The following SHMT1 variants were observed in gnomAD, a reference collection of about 807,000 sequenced individuals.
SHMT1 encodes serine hydroxymethyltransferase 1.
A neutral mutation model predicts 49.0 loss-of-function variants in SHMT1; 45 were observed. The ratio of observed to expected loss-of-function variants is 0.92; its 90% CI spans 0.72 to 1.18. SHMT1 has a LOEUF of 1.18. SHMT1 is among the 50% of genes most tolerant of loss of function. The pLI is 0.00. For missense variants in SHMT1, 541 were observed against 612.4 expected, an observed-to-expected ratio of 0.88 and a Z score of 1.23; for synonymous variants, 232 against 246.6, an observed-to-expected ratio of 0.94 and a Z score of 0.55.
At chr17:18,352,437 C>T (rs1033512730) in intron 3 of SHMT1, among the ~76,000 whole-genome samples, 5 of 152,168 alleles carry the variant, frequency 3.3e-5, no homozygotes, top group African/African-American at 4.8e-5. Context: ...TGAGCCACCG[C>T]GCCCGGTCCC....
intron 5 of SHMT1, among the ~76,000 whole-genome samples, chr17:18,344,564 GCCACAA>G (rs1984875790): frequency 1.1e-5 from 1 of 87,398 alleles, no homozygotes; most frequent in African/African-American, 4.9e-5. Context: ...TTTTTGTGTA[GCCACAA>G]TTACCGGAAA....
At chr17:18,338,763 C>G (rs973370073) in intron 7 of SHMT1, among the ~76,000 whole-genome samples, 2 of 152,144 alleles carry the variant, frequency 1.3e-5, no homozygotes, top group African/African-American at 2.4e-5. Context: ...CCCGTGCTCT[C>G]TGAAACATGT....
intron 5 of SHMT1, among the ~76,000 whole-genome samples, chr17:18,345,060 C>T (rs1465985279): frequency 6.6e-6 from 1 of 152,166 alleles, no homozygotes; most frequent in Non-Finnish European, 1.5e-5. Context: ...CTCCTCCTGT[C>T]CGCCAAGGGC....
chr17:18,354,256 T>C (rs1318140290), intron 2 of SHMT1, among the ~76,000 whole-genome samples: 1 of 152,054 alleles, frequency 6.6e-6, no homozygotes, highest in East Asian at 1.9e-4. Context: ...TCGTCTCTAC[T>C]AAAAAATACA....
chr17:18,334,243 C>T (rs917047268), intron 8 of SHMT1, among the ~76,000 whole-genome samples: 3 of 151,928 alleles, frequency 2.0e-5, no homozygotes, highest in Non-Finnish European at 2.9e-5. Flanking sequence ...CGCCTGGCCA[C>T]GCCTGGCTAA....
chr17:18,337,333 C>CGA lies in SHMT1; in HGVS notation c.815-1659_815-1658insTC, dbSNP rs144995528. On this transcript the variant is annotated intron_variant, in intron 7 of 11. Transcript: ENST00000316694. ...CACTGGGTGAAATAAATCACATCAA[C>CGA]ACACAGTGGGGGAAAAAACCAAATG... is the stretch of plus-strand genomic sequence containing the variant. Among the ~76,000 whole-genome samples the CGA allele has an allele frequency of 4.6e-5, 7 of 152,258 alleles. No individual in the cohort carries two copies. In the East Asian group the frequency reaches 1.4e-3, roughly 29 times the overall value.
rs1316007319 is a variant in SHMT1, at chr17:18,362,658, T to TTTCC, written c.-20+710_-20+713dup. 2.6e-5 allele frequency among the ~76,000 whole-genome samples: 4 copies of TTTCC among 152,302 alleles called. No homozygotes were observed. In the East Asian group the frequency reaches 7.7e-4, roughly 29 times the overall value. On this transcript the variant is annotated intron_variant, in intron 1 of 11. Transcript: ENST00000316694. ...ATTTCTGCAAGAACCTAAACTGGTG[T>TTTCC]TTCCAGTCTATTCTCTGGGTAACTG...
chr17:18,344,025 AGAG>A (rs1457222830), intron 5 of SHMT1, among the ~76,000 whole-genome samples: 1 of 152,032 alleles, frequency 6.6e-6, no homozygotes, highest in Non-Finnish European at 1.5e-5. Context: ...GCCTCAGGGA[AGAG>A]GAGATGTGCA....
At position 18,353,692 on chromosome 17, in the gene SHMT1, A is replaced by AG; in HGVS notation, c.221dup (p.Glu75Ter). 6.2e-7 allele frequency: 1 copy of AG among 1,614,118 alleles called. No homozygotes were observed. The highest frequency in any genetic ancestry group is 8.5e-7 in the Non-Finnish European group (1 of 1,180,014). On this transcript the variant is annotated frameshift_variant, in exon 3 of 12. Coordinates refer to ENST00000316694, the MANE Select transcript of SHMT1 (RefSeq NM_004169.5). LOFTEE classifies it high-confidence loss of function. ...CATACCTCTGGCCCGGGTACCCCTC[A>AG]GAGTATTTGTTATTTAAGCAAGAGC...
chr17:18,360,791 G>T (rs570854768), intron 1 of SHMT1, among the ~76,000 whole-genome samples: 1 of 152,194 alleles, frequency 6.6e-6, no homozygotes, highest in East Asian at 1.9e-4. Flanking sequence ...AATCAGGCTT[G>T]CACACCTGAA....
intron 3 of SHMT1, among the ~76,000 whole-genome samples, chr17:18,350,710 C>A (rs758451245): frequency 1.1e-4 from 17 of 151,586 alleles, no homozygotes; most frequent in Non-Finnish European, 2.9e-5. Flanking sequence ...CAAGCAAAGT[C>A]ATTAACGTTA....
chr17:18,357,448 G>A (rs1207730115), intron 1 of SHMT1, among the ~76,000 whole-genome samples: 8 of 152,052 alleles, frequency 5.3e-5, no homozygotes, highest in African/African-American at 1.9e-4. Flanking sequence ...ACAAGTTAAT[G>A]ATGAACAGGA....
In SHMT1 at chr17:18,354,553, G is replaced by A. The variant is rs147122618; in HGVS notation, c.97-736C>T. Reference sequence around the variant, plus strand: ...GGAGGATTCAGTGAGCCGAGATCGCGCCATCGCACTCCAGCCTGGGAAACA... The same window carrying A: ...GGAGGATTCAGTGAGCCGAGATCGCACCATCGCACTCCAGCCTGGGAAACA... On this transcript the variant is annotated intron_variant, in intron 2 of 11. Coordinates refer to ENST00000316694, the MANE Select transcript of SHMT1 (RefSeq NM_004169.5). Among the ~76,000 whole-genome samples, 20 of 152,312 alleles carry A rather than the reference G, an allele frequency of 1.3e-4. No individual in the cohort carries two copies. The East Asian group carries it at 1.5e-3, about 12-fold the overall frequency.
At chr17:18,352,640 A>C (rs1478156688) in intron 3 of SHMT1, among the ~76,000 whole-genome samples, 1 of 151,980 alleles carries the variant, frequency 6.6e-6, no homozygotes, top group East Asian at 1.9e-4. Flanking sequence ...GGGCAACAAC[A>C]GCCTGGGTGA....
intron 1 of SHMT1, among the ~76,000 whole-genome samples, chr17:18,358,150 T>TAAAA (rs775035265): frequency 8.8e-6 from 1 of 113,488 alleles, no homozygotes; most frequent in East Asian, 3.2e-4. Flanking sequence ...CTAGGACTCT[T>TAAAA]AAAAAAAAAA....
intron 3 of SHMT1, among the ~76,000 whole-genome samples, chr17:18,351,368 G>T (rs896139598): frequency 1.3e-5 from 2 of 151,294 alleles, no homozygotes; most frequent in East Asian, 2.0e-4. Context: ...GGATGGTCTC[G>T]ATCTCCTGAC....
At chr17:18,357,582 T>G (rs1986357077) in intron 1 of SHMT1, among the ~76,000 whole-genome samples, 2 of 151,964 alleles carry the variant, frequency 1.3e-5, no homozygotes, top group Non-Finnish European at 2.9e-5. Context: ...TCCAGAAAAA[T>G]GTAAATGGGA....
intron 2 of SHMT1, 141 bp downstream of exon 2, chr17:18,355,745 G>T: frequency 1.5e-6 from 1 of 684,322 alleles, no homozygotes; most frequent in Admixed American, 2.1e-5. Flanking sequence ...AGGATTTGTA[G>T]CCATTTTGTC....
At chr17:18,343,396 G>T (rs1007803943) in intron 5 of SHMT1, among the ~76,000 whole-genome samples, 1 of 149,310 alleles carries the variant, frequency 6.7e-6, no homozygotes, top group African/African-American at 2.5e-5. Context: ...ATCACCTGAG[G>T]TCAGGAGTTT....
Sources: allele counts gnomAD v4.1 joint callset (sites outside exome capture counted in the v4.1 genomes callset), GRCh38; gene constraint gnomAD v4.1.1; transcripts MANE v1.5; gene names NCBI Gene and HGNC (gene_info 2026-07-23, HGNC 2026-07-21).